The following GARIN2 variants were observed in gnomAD, a reference collection of about 807,000 sequenced individuals.
GARIN2 encodes the protein Golgi-associated RAB2 interactor protein 2.
chr14:67,193,123 T>A, the GARIN2 span, among the ~76,000 whole-genome samples: 1 of 144,428 alleles, frequency 6.9e-6, no homozygotes, highest in Non-Finnish European at 1.5e-5. Context: ...TATCTCTCTA[T>A]ATATCTCTAT....
At chr14:67,204,714 C>CTTGAATCAGGAG in the GARIN2 span, 1 of 1,613,888 alleles carries the variant, frequency 6.2e-7, no homozygotes, top group East Asian at 2.2e-5. Flanking sequence ...AGGAGAAAGC[C>CTTGAATCAGGAG]AAAGTTTCCA....
chr14:67,221,380 T>C, the GARIN2 span, among the ~76,000 whole-genome samples: 1 of 152,212 alleles, frequency 6.6e-6, no homozygotes, highest in South Asian at 2.1e-4. Context: ...TGAAACCCTA[T>C]ATTCCCAACA....
the GARIN2 span, chr14:67,204,933 TGAGGTCCCA>T: frequency 6.2e-7 from 1 of 1,613,350 alleles, no homozygotes; most frequent in Non-Finnish European, 8.5e-7. Context: ...TTCCAGAAAA[TGAGGTCCCA>T]GAGGTCCCGG....
At chr14:67,208,303 A>G in the GARIN2 span, 4 of 1,613,982 alleles carry the variant, frequency 2.5e-6, no homozygotes, top group Non-Finnish European at 3.4e-6. Flanking sequence ...CAAACATAAC[A>G]CTGACTTTTG....
the GARIN2 span, among the ~76,000 whole-genome samples, chr14:67,209,863 C>A: frequency 6.7e-6 from 1 of 148,616 alleles, no homozygotes; most frequent in African/African-American, 2.5e-5. Flanking sequence ...TAATAGATTA[C>A]CTTTATATAT....
the GARIN2 span, among the ~76,000 whole-genome samples, chr14:67,193,122 A>G: frequency 7.0e-6 from 1 of 143,842 alleles, no homozygotes; most frequent in East Asian, 2.1e-4. Flanking sequence ...ATATCTCTCT[A>G]TATATCTCTA....
chr14:67,191,250 C>G, the GARIN2 span, among the ~76,000 whole-genome samples: 1 of 152,168 alleles, frequency 6.6e-6, no homozygotes. Flanking sequence ...AAACAGCCAT[C>G]ATGTAATTAC....
chr14:67,216,193 C>T, the GARIN2 span, among the ~76,000 whole-genome samples: 239 of 152,188 alleles, frequency 1.6e-3, no homozygotes, highest in African/African-American at 5.5e-3. Context: ...GTTTACATTA[C>T]ATTAAGATTT....
At chr14:67,191,228 C>T in the GARIN2 span, among the ~76,000 whole-genome samples, 7,595 of 151,588 alleles carry the variant, frequency 0.05, 208 homozygotes, top group Middle Eastern at 0.068. Context: ...AGCGAGACTC[C>T]GTCTCAAAAA....
At chr14:67,228,367 T>A in the GARIN2 span, 1 of 515,398 alleles carries the variant, frequency 1.9e-6, no homozygotes, top group Non-Finnish European at 2.5e-6. Flanking sequence ...GTAATAACAC[T>A]AAAAATATTC....
At chr14:67,221,826 T>C in the GARIN2 span, 10 of 1,611,912 alleles carry the variant, frequency 6.2e-6, no homozygotes, top group Non-Finnish European at 8.5e-6. Flanking sequence ...CAAATTCCAC[T>C]ACATGTTTTA....
chr14:67,202,704 T>C, the GARIN2 span, among the ~76,000 whole-genome samples: 1 of 152,198 alleles, frequency 6.6e-6, no homozygotes, highest in Admixed American at 6.5e-5. Flanking sequence ...TCAGTAACAC[T>C]TTAAACTTAT....
At chr14:67,226,070 C>T in the GARIN2 span, among the ~76,000 whole-genome samples, 2 of 152,174 alleles carry the variant, frequency 1.3e-5, no homozygotes, top group Non-Finnish European at 2.9e-5. Context: ...AACCCCTTGC[C>T]CATCTTGGCA....
chr14:67,193,561 ATATC>A, the GARIN2 span, among the ~76,000 whole-genome samples: 8 of 144,868 alleles, frequency 5.5e-5, no homozygotes, highest in African/African-American at 2.0e-4. Flanking sequence ...ATATAGATCT[ATATC>A]TATATAGATC....
chr14:67,221,947 C>A, the GARIN2 span: 1 of 1,049,220 alleles, frequency 9.5e-7, no homozygotes, highest in Non-Finnish European at 1.4e-6. Flanking sequence ...TCACTATGCT[C>A]CATTCTGAGA....
chr14:67,202,530 T>G, the GARIN2 span, among the ~76,000 whole-genome samples: 1 of 152,256 alleles, frequency 6.6e-6, no homozygotes, highest in Non-Finnish European at 1.5e-5. Context: ...ATCATTCCTA[T>G]TCTTTTACTA....
At chr14:67,221,920 T>G in the GARIN2 span, 5 of 1,351,110 alleles carry the variant, frequency 3.7e-6, no homozygotes, top group African/African-American at 7.3e-5. Context: ...CTAGACTTTT[T>G]GATGCATTTC....
At chr14:67,212,589 G>GGA in the GARIN2 span, among the ~76,000 whole-genome samples, 5 of 100,360 alleles carry the variant, frequency 5.0e-5, no homozygotes, top group African/African-American at 1.8e-4. Context: ...AGACCCTGTT[G>GGA]AAAAAAAAAA....
the GARIN2 span, among the ~76,000 whole-genome samples, chr14:67,213,095 GTTT>G: frequency 1.5e-5 from 2 of 135,666 alleles, no homozygotes; most frequent in African/African-American, 2.6e-5. Context: ...ATTCTGTGGT[GTTT>G]TTTTTTTTTT....
Sources: gnomAD v4.1 joint callset for allele counts (sites outside exome capture counted in the v4.1 genomes callset) on GRCh38, gnomAD v4.1.1 for gene constraint, MANE v1.5 for transcripts, NCBI Gene and HGNC (gene_info 2026-07-23, HGNC 2026-07-21) for gene names.